Variants in ANPEP observed in about 807,000 individuals in gnomAD.
ANPEP encodes the protein aminopeptidase N.
In ANPEP, 70 loss-of-function variants were observed where a neutral mutation model predicts 114.6. That is an observed-to-expected ratio of 0.61 (90% CI 0.50 to 0.75). The LOEUF (loss-of-function observed/expected upper bound fraction) is 0.75, where lower values mean the gene tolerates loss of function less well. Among genes scored for constraint, ANPEP ranks in the 30% least tolerant of loss-of-function variants. The pLI is 0.00. For missense variants in ANPEP, 1,184 were observed against 1,259.5 expected, an observed-to-expected ratio of 0.94 and a Z score of 0.91; for synonymous variants, 548 against 522.3, an observed-to-expected ratio of 1.05 and a Z score of -0.67.
chr15:89,792,887 C>T (rs758625849), intron 16 of ANPEP, 148 bp downstream of exon 16: 2 of 748,786 alleles, frequency 2.7e-6, no homozygotes, highest in Non-Finnish European at 4.6e-6. Flanking sequence ...CATGGAGCCT[C>T]AGGGCAGGAC....
Position 89,804,362 on chromosome 15 carries a change from C to G in ANPEP, c.1070G>C (p.Trp357Ser). 1 of 1,614,226 alleles carries G rather than the reference C, an allele frequency of 6.2e-7. No homozygotes were observed. Among genetic ancestry groups the G allele is most frequent in the Non-Finnish European group, 8.5e-7 (1 of 1,180,040 alleles). Residue 357 changes from tryptophan to serine, a missense_variant, in exon 6 of 21, where the codon TGG becomes TCG. Transcript: ENST00000300060. ...PDFNAGAMEN[W>S]GLVTYRENSL... ...GTTCTCCCGGTAGGTCACCAGTCCC[C>G]AGTTCTCCATGGCGCCGGCGTTGAA...
chr15:89,797,570 C>G lies in ANPEP; in HGVS notation c.2157+5G>C. 1 of 1,612,046 alleles carries G rather than the reference C, an allele frequency of 6.2e-7. No individual in the cohort carries two copies. Among genetic ancestry groups the G allele is most frequent in the Non-Finnish European group, 8.5e-7 (1 of 1,178,924 alleles). Reference sequence around the variant, plus strand: ...GTTCTTGAACCCTACCATGCACCTCCGTACCTTCATGGGGCCATAGACCTC... The same window carrying G: ...GTTCTTGAACCCTACCATGCACCTCGGTACCTTCATGGGGCCATAGACCTC... On this transcript the variant is annotated splice_donor_5th_base_variant and intron_variant, in intron 15 of 20. Transcript: ENST00000300060.
Position 89,787,300 on chromosome 15 carries a change from C to T in ANPEP, c.2752-1799G>A, listed in dbSNP as rs565095552. Among the ~76,000 whole-genome samples, 232 of 152,198 alleles carry T rather than the reference C, an allele frequency of 1.5e-3. 2 individuals are homozygous for T. Among genetic ancestry groups the T allele is most frequent in the African/African-American group, 5.2e-3 (217 of 41,534 alleles). On this transcript the variant is annotated intron_variant, in intron 20 of 20. Transcript: ENST00000300060. ...GACCTCATGATCCACCTGCCTTGGC[C>T]TCCCAAAGTGCTGGGATTACAGGCG... is the stretch of plus-strand genomic sequence containing the variant.
At chr15:89,797,386 G>T in intron 15 of ANPEP, 189 bp downstream of exon 15, 1 of 789,830 alleles carries the variant, frequency 1.3e-6, no homozygotes, top group Non-Finnish European at 1.9e-6. Context: ...CCTCCGGCTC[G>T]CTCTTTCACC....
In ANPEP at chr15:89,804,273, C is replaced by A; in HGVS notation, c.1159G>T (p.Ala387Ser). 1 of 1,614,150 alleles carries A rather than the reference C, an allele frequency of 6.2e-7. No homozygotes were observed. Among genetic ancestry groups the A allele is most frequent in the Non-Finnish European group, 8.5e-7 (1 of 1,180,028 alleles). Residue 387 changes from alanine to serine, a missense_variant, in exon 6 of 21, where the codon GCT (alanine) becomes TCT (serine). Coordinates refer to ENST00000300060, the MANE Select transcript of ANPEP (RefSeq NM_001150.3). ...TCTACCTGGTGGGCCAGCTCATGAGCAATCACAGTGACCACCCGCTCCTTG... is the reference window on the plus strand; with the variant it reads ...TCTACCTGGTGGGCCAGCTCATGAGAAATCACAGTGACCACCCGCTCCTTG... ...SNKERVVTVI[A>S]HELAHQWFGN...
chr15:89,788,918 C>T (rs1443396522), intron 20 of ANPEP, among the ~76,000 whole-genome samples: 1 of 151,992 alleles, frequency 6.6e-6, no homozygotes, highest in South Asian at 2.1e-4. Flanking sequence ...CCCCACCCAC[C>T]CTACCTTGTT....
intron 10 of ANPEP, among the ~76,000 whole-genome samples, chr15:89,802,051 G>A (rs1407349777): frequency 6.6e-6 from 1 of 152,166 alleles, no homozygotes; most frequent in Non-Finnish European, 1.5e-5. Flanking sequence ...GGGACTCAGG[G>A]GCACTGTTGT....
At chr15:89,785,525 C>T (rs1307066572) in intron 20 of ANPEP, 24 bp from the exon 21 acceptor site, 2 of 1,590,536 alleles carry the variant, frequency 1.3e-6, no homozygotes, top group South Asian at 1.1e-5. Flanking sequence ...AAAAGATTCT[C>T]AGTCCGGCTG....
chr15:89,793,175 C>T (rs772110935), intron 15 of ANPEP, 49 bp from the exon 16 acceptor site: 1 of 1,528,386 alleles, frequency 6.5e-7, no homozygotes, highest in East Asian at 2.3e-5. Context: ...GCCTGACCTG[C>T]CTGGAGCCCC....
rs548372647 is a variant in ANPEP at position 89,788,512 on chromosome 15, T to G, written c.2751+1948A>C. ...GGAGTGACTGCTAATGAGTACAAGG[T>G]TTTTTTTTGGCGTAATAAAAATGTT... On this transcript the variant is annotated intron_variant, in intron 20 of 20. Coordinates refer to ENST00000300060, the MANE Select transcript of ANPEP (RefSeq NM_001150.3). Among the ~76,000 whole-genome samples the G allele has an allele frequency of 3.8e-3, 580 of 151,410 alleles. 3 individuals carry two copies. The highest frequency in any genetic ancestry group is 0.014 in the African/African-American group (559 of 41,324).
In ANPEP at chr15:89,804,246, G is replaced by A. The variant is rs781204161; in HGVS notation, c.1179+7C>T. The A allele has an allele frequency of 1.2e-6, 2 of 1,614,132 alleles. No homozygotes were observed. The highest frequency in any genetic ancestry group is 3.3e-5 in the Admixed American group (2 of 60,022). On this transcript the variant is annotated splice_region_variant and intron_variant, in intron 6 of 20. Coordinates refer to ENST00000300060, the MANE Select transcript of ANPEP (RefSeq NM_001150.3). ...CCTTCTCCGCACTCCCCGAGATGGG[G>A]GTCTACCTGGTGGGCCAGCTCATGA...
At chr15:89,798,955 C>T (rs1443578533) in intron 14 of ANPEP, among the ~76,000 whole-genome samples, 1 of 151,938 alleles carries the variant, frequency 6.6e-6, no homozygotes, top group Non-Finnish European at 1.5e-5. Context: ...AACAAACAAA[C>T]AAACAAACAA....
At chr15:89,801,038 A>ATGTCCT (rs1596166395) in intron 12 of ANPEP, 73 bp downstream of exon 12, 1 of 1,340,462 alleles carries the variant, frequency 7.5e-7, no homozygotes, top group East Asian at 2.3e-5. Context: ...GGCCCATCAC[A>ATGTCCT]GCCCTCAGAA....
At chr15:89,804,679 G>C in intron 4 of ANPEP, 62 bp from the exon 5 acceptor site, 27 of 1,585,488 alleles carry the variant, frequency 1.7e-5, no homozygotes, top group Non-Finnish European at 2.3e-5. Flanking sequence ...CAGGTGGGCT[G>C]GGTCCCAGGG....
intron 1 of ANPEP, among the ~76,000 whole-genome samples, chr15:89,812,332 C>T (rs1343006603): frequency 2.0e-5 from 3 of 152,210 alleles, no homozygotes; most frequent in Non-Finnish European, 4.4e-5. Flanking sequence ...GAGCAGTGAG[C>T]GAGAAGGGTA....
chr15:89,785,547 G>A (rs769823949), intron 20 of ANPEP, 46 bp from the exon 21 acceptor site: 6 of 1,128,726 alleles, frequency 5.3e-6, no homozygotes, highest in Admixed American at 3.9e-5. Flanking sequence ...GTCCCTAACA[G>A]CCTTGAGGAG....
rs1567159305 is a variant in ANPEP, at chr15:89,801,605, A to C, written c.1572T>G (p.Ala524=). 2 of 1,613,522 alleles carry C rather than the reference A, an allele frequency of 1.2e-6. No individual in the cohort carries two copies. The highest frequency in any genetic ancestry group is 1.7e-5 in the Admixed American group (1 of 59,992). The part of the protein sequence containing the change: ...YLNLWDHLQE[A]VNNRSIQLPT... ...GGAGTTGGATGGACCGGTTGTTCAC[A>C]GCCTGTGGGTGGAGCGAGAGGGCGT... The change falls in exon 11 of 21, where the codon GCT becomes GCG. Residue 524 remains alanine (A), a splice_region_variant and synonymous_variant. Coordinates refer to ENST00000300060, the MANE Select transcript of ANPEP (RefSeq NM_001150.3).
chr15:89,802,320 G>T (rs1185726467), intron 10 of ANPEP: 1 of 152,380 alleles, frequency 6.6e-6, no homozygotes, highest in African/African-American at 2.4e-5. Context: ...GGAAGGTAGT[G>T]GGGGAGACCC....
At chr15:89,798,327 T>G (rs948526364) in intron 14 of ANPEP, among the ~76,000 whole-genome samples, 1 of 152,134 alleles carries the variant, frequency 6.6e-6, no homozygotes, top group Admixed American at 6.5e-5. Context: ...TGGCCCAGCA[T>G]AGTCAGCCTT....
Sources: gnomAD v4.1 joint callset for allele counts (sites outside exome capture counted in the v4.1 genomes callset) on GRCh38, gnomAD v4.1.1 for gene constraint, MANE v1.5 for transcripts, NCBI Gene and HGNC (gene_info 2026-07-23, HGNC 2026-07-21) for gene names.